The following DPP10 variants were observed in gnomAD, a reference collection of about 807,000 sequenced individuals.
DPP10 encodes the protein inactive dipeptidyl peptidase 10.
DPP10 carries 33 observed loss-of-function variants against 120.9 expected under a neutral mutation model. That is an observed-to-expected ratio of 0.27 (90% CI 0.21 to 0.37). The LOEUF is 0.37. Ranked by LOEUF, DPP10 falls within the 10% of genes least tolerant of loss-of-function variation. DPP10 has a pLI of 1.00. For missense variants in DPP10, 816 were observed against 942.8 expected, an observed-to-expected ratio of 0.87 and a Z score of 1.76; for synonymous variants, 337 against 326.1, an observed-to-expected ratio of 1.03 and a Z score of -0.36.
chr2:114,804,892 T>C (rs1349988230), intron 1 of DPP10, among the ~76,000 whole-genome samples: 1 of 152,102 alleles, frequency 6.6e-6, no homozygotes, highest in Non-Finnish European at 1.5e-5. Flanking sequence ...ACATGAGATT[T>C]GGAGGGGCCA....
chr2:114,718,963 A>G (rs772818823), intron 1 of DPP10, among the ~76,000 whole-genome samples: 7 of 152,202 alleles, frequency 4.6e-5, no homozygotes, highest in Admixed American at 6.5e-5. Flanking sequence ...TAATTCTTGC[A>G]CTGAAACCAT....
At chr2:115,313,449 A>G (rs2061664651) in intron 2 of DPP10, among the ~76,000 whole-genome samples, 1 of 152,204 alleles carries the variant, frequency 6.6e-6, no homozygotes, top group Admixed American at 6.5e-5. Context: ...AGTGACAAAT[A>G]TAGCAACAGA....
chr2:115,095,574 G>GTTTTTTTT (rs924847937), intron 1 of DPP10, among the ~76,000 whole-genome samples: 1 of 137,722 alleles, frequency 7.3e-6, no homozygotes, highest in Non-Finnish European at 1.6e-5. Flanking sequence ...ATTCTGTTTG[G>GTTTTTTTT]TTTTTTTTTT....
chr2:115,650,709 A>G (rs2087691106), intron 5 of DPP10, among the ~76,000 whole-genome samples: 1 of 151,892 alleles, frequency 6.6e-6, no homozygotes, highest in South Asian at 2.1e-4. Context: ...AGTATTTCCT[A>G]GTGTAGCCAT....
rs115119949 is a variant in DPP10 at position 115,501,901 on chromosome 2, C to A, written c.366+2297C>A. 5.1e-3 allele frequency among the ~76,000 whole-genome samples: 775 copies of A among 152,004 alleles called. 7 individuals are homozygous for A. The highest frequency in any genetic ancestry group is 0.018 in the African/African-American group (737 of 41,480). On this transcript the variant is annotated intron_variant, in intron 4 of 25. Transcript: ENST00000410059. ...AAATATATTTTATTGAAACATATTGCTGGTTTTTCTGTGAGCAATTATCAA... is the reference window on the plus strand; with the variant it reads ...AAATATATTTTATTGAAACATATTGATGGTTTTTCTGTGAGCAATTATCAA...
intron 1 of DPP10, among the ~76,000 whole-genome samples, chr2:114,504,547 C>T (rs73946183): frequency 0.022 from 3,282 of 150,800 alleles, 115 homozygotes; most frequent in African/African-American, 0.075. Context: ...CCACCCTCTT[C>T]TTCCTCCTTT....
intron 1 of DPP10, among the ~76,000 whole-genome samples, chr2:114,487,371 G>A (rs1003425540): frequency 1.3e-5 from 2 of 152,072 alleles, no homozygotes; most frequent in African/African-American, 4.8e-5. Context: ...CAGCTTCTGT[G>A]GTGGATTCTT....
chr2:115,490,689 A>T (rs996767019), intron 3 of DPP10, among the ~76,000 whole-genome samples: 1 of 152,226 alleles, frequency 6.6e-6, no homozygotes, highest in East Asian at 1.9e-4. Flanking sequence ...TTAAATTTAT[A>T]TATGTGTAAA....
At chr2:115,214,614 G>A (rs1196688275) in intron 1 of DPP10, among the ~76,000 whole-genome samples, 1 of 152,096 alleles carries the variant, frequency 6.6e-6, no homozygotes, top group Non-Finnish European at 1.5e-5. Context: ...CTGAACATGT[G>A]TTTGTCTCAA....
At chr2:115,703,597 T>C (rs958386100) in intron 7 of DPP10, among the ~76,000 whole-genome samples, 9 of 152,144 alleles carry the variant, frequency 5.9e-5, no homozygotes, top group African/African-American at 2.2e-4. Flanking sequence ...AATTCATTTT[T>C]GGGGGGAAAC....
intron 3 of DPP10, among the ~76,000 whole-genome samples, chr2:115,354,538 A>G (rs1160458316): frequency 6.6e-6 from 1 of 151,938 alleles, no homozygotes; most frequent in Non-Finnish European, 1.5e-5. Flanking sequence ...TGGCCTTTTT[A>G]TGGCTGCATA....
At chr2:114,798,573 A>C (rs1487409702) in intron 1 of DPP10, among the ~76,000 whole-genome samples, 1 of 152,140 alleles carries the variant, frequency 6.6e-6, no homozygotes, top group East Asian at 1.9e-4. Context: ...TTATGATTGC[A>C]TCTGCATGAA....
At chr2:115,289,282 T>C (rs1459255378) in intron 1 of DPP10, among the ~76,000 whole-genome samples, 1 of 151,846 alleles carries the variant, frequency 6.6e-6, no homozygotes, top group Non-Finnish European at 1.5e-5. Context: ...TGATGAAAGC[T>C]GACACAAACA....
intron 2 of DPP10, among the ~76,000 whole-genome samples, chr2:115,332,103 C>T (rs1442510541): frequency 6.6e-6 from 1 of 152,016 alleles, no homozygotes; most frequent in East Asian, 1.9e-4. Flanking sequence ...AATTTCAGAG[C>T]CTCTTATTGG....
chr2:114,740,491 A>G (rs1307035647), intron 1 of DPP10, among the ~76,000 whole-genome samples: 1 of 146,090 alleles, frequency 6.8e-6, no homozygotes. Context: ...CATGTACCCT[A>G]AAACTTAAAG....
At chr2:115,532,920 G>C (rs1363829846) in intron 5 of DPP10, among the ~76,000 whole-genome samples, 2 of 151,340 alleles carry the variant, frequency 1.3e-5, no homozygotes, top group Non-Finnish European at 2.9e-5. Context: ...TGGAATTATT[G>C]GTCCATTGGA....
chr2:115,014,041 A>G (rs560211906), intron 1 of DPP10, among the ~76,000 whole-genome samples: 1 of 152,212 alleles, frequency 6.6e-6, no homozygotes, highest in Admixed American at 6.5e-5. Context: ...CAGAATATAC[A>G]TTCTTCTGAG....
chr2:115,274,784 ATTAC>A (rs1240790600), intron 1 of DPP10, among the ~76,000 whole-genome samples: 1 of 152,232 alleles, frequency 6.6e-6, no homozygotes, highest in Admixed American at 6.5e-5. Context: ...TATGCAATTT[ATTAC>A]TTAATAAGCA....
intron 1 of DPP10, among the ~76,000 whole-genome samples, chr2:114,932,627 C>T (rs938238116): frequency 2.0e-5 from 3 of 152,046 alleles, no homozygotes; most frequent in African/African-American, 7.2e-5. Flanking sequence ...TAATAGAAAT[C>T]AGAATAGTGT....
Sources: allele counts gnomAD v4.1 joint callset (sites outside exome capture counted in the v4.1 genomes callset), GRCh38; gene constraint gnomAD v4.1.1; transcripts MANE v1.5; gene names NCBI Gene and HGNC (gene_info 2026-07-23, HGNC 2026-07-21).